Variants in KANSL1 observed in about 807,000 individuals in gnomAD.
KANSL1 encodes the protein KAT8 regulatory NSL complex subunit 1, also known as MLL1/MLL complex subunit KANSL1.
In KANSL1, 22 loss-of-function variants were observed where a neutral mutation model predicts 103.6. The ratio of observed to expected loss-of-function variants is 0.21; its 90% CI spans 0.15 to 0.30. The LOEUF is 0.30. Among genes scored for constraint, KANSL1 ranks in the 10% least tolerant of loss-of-function variants. The probability of loss-of-function intolerance (pLI) is 1.00; values close to 1 mark genes in which losing one functional copy is unlikely to be tolerated. For missense variants in KANSL1, 1,337 were observed against 1,399.8 expected, an observed-to-expected ratio of 0.96 and a Z score of 0.72; for synonymous variants, 600 against 527.6, an observed-to-expected ratio of 1.14 and a Z score of -1.88.
chr17:46,178,074 G>A (rs1475746725), intron 1 of KANSL1, among the ~76,000 whole-genome samples: 5 of 152,130 alleles, frequency 3.3e-5, no homozygotes, highest in African/African-American at 7.2e-5. Context: ...ACCACGCCCG[G>A]CCCATAGTAA....
chr17:46,069,940 T>C (rs1015654529), intron 4 of KANSL1, among the ~76,000 whole-genome samples: 1 of 151,704 alleles, frequency 6.6e-6, no homozygotes, highest in African/African-American at 2.4e-5. Context: ...TACTAAGATA[T>C]CACAAACATC....
chr17:46,147,632 A>C (rs2044796976), intron 2 of KANSL1, among the ~76,000 whole-genome samples: 2 of 151,980 alleles, frequency 1.3e-5, no homozygotes, highest in Non-Finnish European at 2.9e-5. Flanking sequence ...AGAGAGAGAA[A>C]GATCTCAACT....
intron 2 of KANSL1, among the ~76,000 whole-genome samples, chr17:46,127,471 G>C (rs1003779706): frequency 6.6e-6 from 1 of 152,180 alleles, no homozygotes; most frequent in Non-Finnish European, 1.5e-5. Context: ...AACAAAAAAA[G>C]AAACAGTTTT....
intron 6 of KANSL1, among the ~76,000 whole-genome samples, chr17:46,053,125 T>C (rs531070593): frequency 1.9e-4 from 29 of 150,804 alleles, no homozygotes; most frequent in Middle Eastern, 3.5e-3. Flanking sequence ...CCGTCTCTAC[T>C]AAAAATACAA....
intron 4 of KANSL1, among the ~76,000 whole-genome samples, chr17:46,082,148 C>T (rs2079009568): frequency 6.6e-6 from 1 of 152,078 alleles, no homozygotes; most frequent in African/African-American, 2.4e-5. Flanking sequence ...GGTGTCAGAG[C>T]CACACCCAGG....
chr17:46,199,064 A>G (rs2047708783), intron 1 of KANSL1, among the ~76,000 whole-genome samples: 2 of 148,592 alleles, frequency 1.3e-5, no homozygotes, highest in South Asian at 4.2e-4. Flanking sequence ...TAAATATTAA[A>G]TAGCCAGAGT....
At chr17:46,205,864 G>A (rs557475829) in intron 1 of KANSL1, among the ~76,000 whole-genome samples, 11 of 152,164 alleles carry the variant, frequency 7.2e-5, no homozygotes, top group African/African-American at 2.2e-4. Flanking sequence ...GGCTGCTTGA[G>A]CGCAGAAGTT....
intron 2 of KANSL1, among the ~76,000 whole-genome samples, chr17:46,158,122 G>A (rs1243545654): frequency 6.6e-6 from 1 of 152,220 alleles, no homozygotes; most frequent in African/African-American, 2.4e-5. Flanking sequence ...CACCTAAAAA[G>A]CAGTAACTGA....
At chr17:46,167,165 T>C (rs2046046719) in intron 2 of KANSL1, among the ~76,000 whole-genome samples, 1 of 151,962 alleles carries the variant, frequency 6.6e-6, no homozygotes, top group Admixed American at 6.6e-5. Flanking sequence ...AAAATATTAT[T>C]TTAACAAGTA....
At chr17:46,199,341 A>G (rs1368232111) in intron 1 of KANSL1, among the ~76,000 whole-genome samples, 2 of 152,246 alleles carry the variant, frequency 1.3e-5, no homozygotes, top group Admixed American at 6.5e-5. Flanking sequence ...CCTATTTCAC[A>G]GTGTCACAAG....
chr17:46,155,232 A>C (rs1021443946), intron 2 of KANSL1, among the ~76,000 whole-genome samples: 2 of 139,496 alleles, frequency 1.4e-5, no homozygotes, highest in Non-Finnish European at 3.0e-5. Flanking sequence ...ATCTCGGCTC[A>C]CAGCAACCTC....
At chr17:46,097,402 A>T (rs2042132377) in intron 2 of KANSL1, among the ~76,000 whole-genome samples, 2 of 151,914 alleles carry the variant, frequency 1.3e-5, no homozygotes, top group Admixed American at 1.3e-4. Flanking sequence ...AAAATAAACA[A>T]ATAAACATTA....
At chr17:46,047,700 C>T (rs112578465) in intron 7 of KANSL1, among the ~76,000 whole-genome samples, 21,708 of 150,984 alleles carry the variant, frequency 0.14, 2,117 homozygotes, top group Non-Finnish European at 0.22. Context: ...AGTGGGAGGA[C>T]TGTTTAGAGC....
intron 10 of KANSL1, among the ~76,000 whole-genome samples, chr17:46,036,093 GT>G (rs1401616590): frequency 2.0e-5 from 3 of 151,214 alleles, no homozygotes; most frequent in African/African-American, 7.3e-5. Context: ...TTGTTTGTTT[GT>G]TTGTTTAAGA....
chr17:46,132,869 G>C (rs2043934529), intron 2 of KANSL1, among the ~76,000 whole-genome samples: 1 of 134,654 alleles, frequency 7.4e-6, no homozygotes, highest in Non-Finnish European at 1.8e-5. Flanking sequence ...CTTGAGCCTG[G>C]GAGGTCGAGG....
At chr17:46,132,019 C>T (rs2043887372) in intron 2 of KANSL1, among the ~76,000 whole-genome samples, 1 of 150,406 alleles carries the variant, frequency 6.6e-6, no homozygotes, top group East Asian at 1.9e-4. Context: ...CCCAACTACT[C>T]GGGAGGCTGA....
upstream of KANSL1, chr17:46,196,419 A>G (rs1376829804): frequency 2.2e-6 from 1 of 456,188 alleles, no homozygotes; most frequent in Non-Finnish European, 4.4e-6. Context: ...CCAAAAGAGA[A>G]CTGTGAGAAA....
At chr17:46,173,992 T>G (rs762235589) in intron 1 of KANSL1, among the ~76,000 whole-genome samples, 1 of 152,264 alleles carries the variant, frequency 6.6e-6, no homozygotes, top group Non-Finnish European at 1.5e-5. Flanking sequence ...ACAAACATTA[T>G]TTGAAACCTG....
Position 46,172,209 on chromosome 17 carries a change from C to T in KANSL1, c.-66G>A, listed in dbSNP as rs374090769. On this transcript the variant is annotated 5_prime_UTR_variant, in exon 2 of 15. Coordinates refer to ENST00000432791, the MANE Select transcript of KANSL1 (RefSeq NM_015443.4). ...GAGGCCGAGGCCAGCTCCACGGCCC[C>T]TTACTGCCTCCCCAGAGAACAGACT... 2 of 1,439,442 alleles carry T rather than the reference C, an allele frequency of 1.4e-6. No homozygotes were observed. 89.2% of individuals were successfully genotyped at this position (1,439,442 alleles called of 1,614,324 possible).
Sources: gnomAD v4.1 joint callset for allele counts (sites outside exome capture counted in the v4.1 genomes callset) on GRCh38, gnomAD v4.1.1 for gene constraint, MANE v1.5 for transcripts, NCBI Gene and HGNC (gene_info 2026-07-23, HGNC 2026-07-21) for gene names.